DENND4A: variants seen among roughly 807,000 people sequenced by gnomAD.
DENND4A encodes the protein C-myc promoter-binding protein.
Under a neutral mutation model 199.3 loss-of-function variants are expected in DENND4A, and 70 were observed. That is an observed-to-expected ratio of 0.35 (90% confidence interval 0.29 to 0.43). DENND4A has a LOEUF of 0.43. Among genes scored for constraint, DENND4A ranks in the 20% least tolerant of loss-of-function variants. DENND4A has a pLI of 1.00. For synonymous variants in DENND4A, 686 were observed against 766.9 expected (o/e 0.89, Z 1.74); for missense variants, 1,723 against 2,255.8 (o/e 0.76, Z 4.78).
intron 4 of DENND4A, among the ~76,000 whole-genome samples, chr15:65,748,065 G>GA (rs1299007692): frequency 2.0e-4 from 22 of 108,896 alleles, no homozygotes; most frequent in Middle Eastern, 5.7e-3. Context: ...AAAAAAAAAG[G>GA]AAAAAAAAAA....
At chr15:65,752,658 C>T in intron 3 of DENND4A, 30 bp from the exon 4 acceptor site, 2 of 1,341,478 alleles carry the variant, frequency 1.5e-6, no homozygotes, top group Non-Finnish European at 2.0e-6. Flanking sequence ...AATAAATACA[C>T]AAAGCACTTT....
At chr15:65,711,489 C>A (rs12910525) in intron 14 of DENND4A, among the ~76,000 whole-genome samples, 2 of 151,866 alleles carry the variant, frequency 1.3e-5, no homozygotes, top group Non-Finnish European at 2.9e-5. Context: ...AGAGGCCCTG[C>A]CTCAAAAATA....
At chr15:65,755,160 G>C (rs1010978489) in intron 3 of DENND4A, among the ~76,000 whole-genome samples, 3 of 152,194 alleles carry the variant, frequency 2.0e-5, no homozygotes. Flanking sequence ...CATATACATA[G>C]TATGATTCTA....
chr15:65,785,278 T>C (rs564595533), intron 1 of DENND4A, among the ~76,000 whole-genome samples: 6 of 150,256 alleles, frequency 4.0e-5, no homozygotes, highest in Admixed American at 4.0e-4. Context: ...GGCAGGCACA[T>C]AGTTTGAGAC....
intron 22 of DENND4A, 79 bp from the exon 23 acceptor site, chr15:65,691,590 T>G: frequency 4.4e-6 from 6 of 1,376,204 alleles, no homozygotes; most frequent in Non-Finnish European, 5.8e-6. Flanking sequence ...AAAATTCTAG[T>G]GATGAAAATG....
At position 65,724,367 on chromosome 15, in the gene DENND4A, CTTTTTTTTGAATCGT is replaced by C. The variant is rs1470988584; in HGVS notation, c.1488-1434_1488-1420del. ...AAGGCACTGTGACCAGCTGACTCTA[CTTTTTTTTGAATCGT>C]TTTTTTTTTTTTTTATTTCAAAAGC... On this transcript the variant is annotated intron_variant, in intron 11 of 32. Coordinates refer to ENST00000443035, the MANE Select transcript of DENND4A (RefSeq NM_001320835.1). 3.3e-4 allele frequency among the ~76,000 whole-genome samples: 45 copies of C among 138,028 alleles called. 1 individual carries two copies. The highest frequency in any genetic ancestry group is 1.3e-3 in the African/African-American group (45 of 33,888). The allele number at this position is 138,028 out of a possible 152,430, so 90.6% of individuals were successfully genotyped here. A position where few individuals can be genotyped will look rare whatever the true frequency, so the allele number is the denominator to read the frequency against.
At chr15:65,667,869 C>T in intron 28 of DENND4A, 56 bp downstream of exon 28, 1 of 1,562,638 alleles carries the variant, frequency 6.4e-7, no homozygotes, top group Non-Finnish European at 8.6e-7. Context: ...ACAAGGGGAA[C>T]AAAATCATAC....
intron 2 of DENND4A, among the ~76,000 whole-genome samples, chr15:65,758,275 C>T (rs1166367356): frequency 6.6e-6 from 1 of 152,176 alleles, no homozygotes; most frequent in Non-Finnish European, 1.5e-5. Context: ...CACATATTTG[C>T]AGTCTCCTTT....
intron 7 of DENND4A, among the ~76,000 whole-genome samples, chr15:65,733,393 C>A (rs2076017976): frequency 6.6e-6 from 1 of 151,788 alleles, no homozygotes; most frequent in Non-Finnish European, 1.5e-5. Flanking sequence ...AAAATCTTTC[C>A]TAGGGGGGAA....
At chr15:65,663,044 A>G (rs147399240) in intron 32 of DENND4A, among the ~76,000 whole-genome samples, 40 of 152,216 alleles carry the variant, frequency 2.6e-4, no homozygotes, top group Non-Finnish European at 4.6e-4. Context: ...TAAAAGGCCT[A>G]GCTCAAATAA....
At chr15:65,771,996 A>G (rs570916205) in intron 1 of DENND4A, 28 of 1,480,560 alleles carry the variant, frequency 1.9e-5, no homozygotes, top group South Asian at 1.7e-4. Flanking sequence ...AGTAATTTTT[A>G]TATTTGTTTA....
chr15:65,680,806 GAA>G (rs1232485413), intron 23 of DENND4A: 31 of 152,120 alleles, frequency 2.0e-4, no homozygotes, highest in African/African-American at 7.2e-4. Flanking sequence ...ACATTACACT[GAA>G]GTCTACTGTA....
chr15:65,707,687 T>C lies in DENND4A; in HGVS notation c.1954-1463A>G, dbSNP rs571907777. ...AGACTACTAAATCGTATACATATTA[T>C]GATTTTTTTTTTTTTTTGAGACAGA... On this transcript the variant is annotated intron_variant, in intron 14 of 32. Transcript: ENST00000443035. Among the ~76,000 whole-genome samples, 7 of 150,918 alleles carry C rather than the reference T, an allele frequency of 4.6e-5. No individual in the cohort carries two copies. The South Asian group carries it at 1.5e-3, about 32-fold the overall frequency.
At chr15:65,697,102 C>G (rs770286781) in intron 21 of DENND4A, among the ~76,000 whole-genome samples, 165 bp downstream of exon 21, 1 of 152,022 alleles carries the variant, frequency 6.6e-6, no homozygotes, top group Non-Finnish European at 1.5e-5. Context: ...ATACATAAAG[C>G]ATTTGTATGA....
In DENND4A at chr15:65,722,830, A is replaced by G; in HGVS notation, c.1588+18T>C. On this transcript the variant is annotated intron_variant, in intron 12 of 32. Transcript: ENST00000443035. ...TTTTCAGATTAAATTACCTCCTTTA[A>G]TTAAGTTATCCACTTACATTTTGCC... is the stretch of plus-strand genomic sequence containing the variant. 6.4e-7 allele frequency: 1 copy of G among 1,557,938 alleles called. No homozygotes were observed. The highest frequency in any genetic ancestry group is 1.2e-5 in the South Asian group (1 of 82,738).
Position 65,760,223 on chromosome 15 carries a change from G to A in DENND4A, c.-23+1137C>T, listed in dbSNP as rs199681550. Among the ~76,000 whole-genome samples, 14 of 152,270 alleles carry A rather than the reference G, an allele frequency of 9.2e-5. No homozygotes were observed. The East Asian group carries it at 2.3e-3, about 25-fold the overall frequency. Reference sequence around the variant, plus strand: ...TATTTAAACTAAAGCATGGCCAGGCGTGGTGGCTCATGCCTGTAATCCCAG... The same window carrying A: ...TATTTAAACTAAAGCATGGCCAGGCATGGTGGCTCATGCCTGTAATCCCAG... On this transcript the variant is annotated intron_variant, in intron 2 of 32. Transcript: ENST00000443035.
intron 7 of DENND4A, among the ~76,000 whole-genome samples, chr15:65,736,344 C>T (rs990229231): frequency 5.9e-5 from 9 of 151,886 alleles, no homozygotes; most frequent in African/African-American, 1.5e-4. Flanking sequence ...CTGCAACCTC[C>T]GCCTCCCAGG....
intron 8 of DENND4A, among the ~76,000 whole-genome samples, chr15:65,732,436 T>C (rs575533466): frequency 1.3e-5 from 2 of 152,228 alleles, no homozygotes; most frequent in East Asian, 1.9e-4. Context: ...CCTTAACTTA[T>C]TAAATAACTG....
At chr15:65,676,141 A>AAAAAAAAAAAATATAT (rs1362535499) in intron 24 of DENND4A, among the ~76,000 whole-genome samples, 9 of 110,464 alleles carry the variant, frequency 8.1e-5, no homozygotes, top group African/African-American at 2.7e-4. Flanking sequence ...AATAAGGAAA[A>AAAAAAAAAAAATATAT]ATATATATAT....
Sources: allele counts gnomAD v4.1 joint callset (sites outside exome capture counted in the v4.1 genomes callset), GRCh38; gene constraint gnomAD v4.1.1; transcripts MANE v1.5; gene names NCBI Gene and HGNC (gene_info 2026-07-23, HGNC 2026-07-21).